TAOK3: variants seen among roughly 807,000 people sequenced by gnomAD.
TAOK3 encodes the protein serine/threonine-protein kinase TAO3.
A neutral mutation model predicts 120.4 loss-of-function variants in TAOK3; 40 were observed. That is an observed-to-expected ratio of 0.33 (90% CI 0.26 to 0.43). TAOK3 has a LOEUF of 0.43. Ranked by LOEUF, TAOK3 falls within the 20% of genes least tolerant of loss-of-function variation. The probability of loss-of-function intolerance (pLI) is 1.00; values close to 1 mark genes in which losing one functional copy is unlikely to be tolerated. For missense variants in TAOK3, 821 were observed against 1,112.1 expected (o/e 0.74, Z 3.72); for synonymous variants, 355 against 387.5 (o/e 0.92, Z 0.99).
At chr12:118,262,800 C>G (rs1345722236) in intron 2 of TAOK3, among the ~76,000 whole-genome samples, 7 of 139,038 alleles carry the variant, frequency 5.0e-5, no homozygotes, top group Non-Finnish European at 7.5e-5. Context: ...GCACTCCAGC[C>G]TGGGTGACAG....
chr12:118,248,290 T>C (rs1004750146), intron 3 of TAOK3, among the ~76,000 whole-genome samples: 1 of 151,818 alleles, frequency 6.6e-6, no homozygotes, highest in Non-Finnish European at 1.5e-5. Flanking sequence ...TATTAATGAG[T>C]TATCCACTAG....
intron 1 of TAOK3, among the ~76,000 whole-genome samples, chr12:118,306,720 T>G (rs1479017523): frequency 2.1e-4 from 32 of 152,196 alleles, no homozygotes; most frequent in Non-Finnish European, 7.3e-5. Context: ...GTTCCATAGT[T>G]AAAAGATAAT....
chr12:118,235,528 A>C, intron 8 of TAOK3, 30 bp downstream of exon 8: 1 of 1,565,194 alleles, frequency 6.4e-7, no homozygotes, highest in Non-Finnish European at 8.8e-7. Context: ...CAGATTTTAA[A>C]ACTATGTCAT....
At chr12:118,292,903 G>C (rs986042535) in intron 1 of TAOK3, among the ~76,000 whole-genome samples, 8 of 152,190 alleles carry the variant, frequency 5.3e-5, no homozygotes, top group African/African-American at 1.9e-4. Flanking sequence ...CCTGTAATGG[G>C]ACTTTTGGGG....
Position 118,216,485 on chromosome 12 carries a change from C to A in TAOK3, c.644-2375G>T, listed in dbSNP as rs530063427. ...CACAAGATCTTATAACCTGAATATT[C>A]TTTTTCTTTTACTTATTCCCCCAGA... On this transcript the variant is annotated intron_variant, in intron 9 of 20. Coordinates refer to ENST00000392533, the MANE Select transcript of TAOK3 (RefSeq NM_016281.4). Among the ~76,000 whole-genome samples the A allele has an allele frequency of 2.6e-4, 39 of 152,262 alleles. 1 individual carries two copies. The South Asian group carries it at 6.0e-3, about 23-fold the overall frequency.
intron 1 of TAOK3, among the ~76,000 whole-genome samples, chr12:118,349,852 A>C (rs2045058122): frequency 6.6e-6 from 1 of 152,192 alleles, no homozygotes; most frequent in African/African-American, 2.4e-5. Flanking sequence ...AAGAGCTCTG[A>C]CCTTTCAATC....
At chr12:118,213,268 C>T (rs948107867) in intron 10 of TAOK3, among the ~76,000 whole-genome samples, 2 of 152,062 alleles carry the variant, frequency 1.3e-5, no homozygotes, top group African/African-American at 2.4e-5. Context: ...AACAAAAATA[C>T]TATGTTTAAA....
chr12:118,265,208 G>A (rs2041391285), intron 2 of TAOK3, among the ~76,000 whole-genome samples: 1 of 151,706 alleles, frequency 6.6e-6, no homozygotes, highest in African/African-American at 2.4e-5. Context: ...GGCCAACATG[G>A]TGAAACCCCG....
intron 14 of TAOK3, among the ~76,000 whole-genome samples, chr12:118,186,106 A>G (rs967151001): frequency 1.2e-4 from 18 of 152,218 alleles, no homozygotes; most frequent in African/African-American, 4.3e-4. Flanking sequence ...AAAACTCCAA[A>G]TGAAGACTCT....
chr12:118,322,026 A>C (rs2043727770), intron 1 of TAOK3, among the ~76,000 whole-genome samples: 1 of 152,164 alleles, frequency 6.6e-6, no homozygotes, highest in African/African-American at 2.4e-5. Flanking sequence ...GATATAATAG[A>C]AAATTTGGGC....
chr12:118,331,158 T>C (rs905918209), intron 1 of TAOK3, among the ~76,000 whole-genome samples: 5 of 152,172 alleles, frequency 3.3e-5, no homozygotes, highest in Non-Finnish European at 7.4e-5. Flanking sequence ...TTCCATTTCC[T>C]CTAGAACAAG....
At chr12:118,245,072 A>G (rs1380682566) in intron 3 of TAOK3, 107 bp from the exon 4 acceptor site, 5 of 679,068 alleles carry the variant, frequency 7.4e-6, no homozygotes, top group African/African-American at 3.8e-5. Context: ...ATTTATTGAC[A>G]GTCTCATTCT....
intron 1 of TAOK3, among the ~76,000 whole-genome samples, chr12:118,325,860 G>A (rs2043915276): frequency 6.6e-6 from 1 of 152,020 alleles, no homozygotes; most frequent in East Asian, 1.9e-4. Context: ...TATATTTTTA[G>A]TAGAGGCAGG....
At chr12:118,212,865 A>G (rs777699664) in intron 11 of TAOK3, 49 bp downstream of exon 11, 60 of 1,298,992 alleles carry the variant, frequency 4.6e-5, no homozygotes, top group Non-Finnish European at 6.0e-5. Flanking sequence ...ATATTCCATT[A>G]TAACATGACT....
intron 5 of TAOK3, among the ~76,000 whole-genome samples, chr12:118,242,105 G>GA (rs2040279641): frequency 6.7e-6 from 1 of 149,970 alleles, no homozygotes; most frequent in Non-Finnish European, 1.5e-5. Flanking sequence ...AAAAAAAAGA[G>GA]AAAAACGAGC....
chr12:118,248,488 A>G (rs924396121), intron 3 of TAOK3, among the ~76,000 whole-genome samples: 4 of 152,140 alleles, frequency 2.6e-5, no homozygotes, highest in South Asian at 2.1e-4. Flanking sequence ...GTATTACAAT[A>G]AAGGTTAAAG....
intron 11 of TAOK3, among the ~76,000 whole-genome samples, chr12:118,205,045 C>G (rs187951532): frequency 6.6e-6 from 1 of 152,060 alleles, no homozygotes; most frequent in Non-Finnish European, 1.5e-5. Flanking sequence ...TGGCACGTGC[C>G]TGTAGTCCCA....
At chr12:118,303,911 G>A (rs1342321493) in intron 1 of TAOK3, among the ~76,000 whole-genome samples, 1 of 152,218 alleles carries the variant, frequency 6.6e-6, no homozygotes, top group Non-Finnish European at 1.5e-5. Flanking sequence ...GCCTCCCAAA[G>A]TGTTGGGATT....
chr12:118,286,070 A>G (rs1397678987), intron 1 of TAOK3, among the ~76,000 whole-genome samples: 4 of 152,160 alleles, frequency 2.6e-5, no homozygotes, highest in African/African-American at 9.7e-5. Flanking sequence ...CCTGAATAGA[A>G]TGGGAGGCAG....
Sources: gnomAD v4.1 joint callset for allele counts (sites outside exome capture counted in the v4.1 genomes callset) on GRCh38, gnomAD v4.1.1 for gene constraint, MANE v1.5 for transcripts, NCBI Gene and HGNC (gene_info 2026-07-23, HGNC 2026-07-21) for gene names.